Variants in STRN4 observed in about 807,000 individuals in gnomAD.
The protein encoded by STRN4 is striatin 4.
A neutral mutation model predicts 77.9 loss-of-function variants in STRN4; 27 were observed. That is an observed-to-expected ratio of 0.35 (90% CI 0.26 to 0.48). The LOEUF (loss-of-function observed/expected upper bound fraction) is 0.48. Among genes scored for constraint, STRN4 ranks in the 20% least tolerant of loss-of-function variants. The pLI is 0.99. For synonymous variants in STRN4, 466 were observed against 443.1 expected (o/e 1.05, Z -0.65); for missense variants, 798 against 1,049.7 (o/e 0.76, Z 3.31).
chr19:46,728,760 C>T lies in STRN4; in HGVS notation c.897G>A (p.Leu299=). ...CATCCTCGTCTTCCATTTCGGGCAC[C>T]AGAGCCTTGGATGGGAGCTGGCACA... The part of the protein sequence containing the change: ...KQRVKLPSKA[L]VPEMEDEDEE... The change falls in exon 7 of 18, where the codon CTG becomes CTA. Residue 299 remains leucine, a synonymous_variant. Coordinates refer to ENST00000263280, the MANE Select transcript of STRN4 (RefSeq NM_013403.3). 6.2e-7 allele frequency: 1 copy of T among 1,614,168 alleles called. No homozygotes were observed. Among genetic ancestry groups the T allele is most frequent in the Non-Finnish European group, 8.5e-7 (1 of 1,179,984 alleles).
At chr19:46,734,793 T>C (rs1245364829) in intron 4 of STRN4, among the ~76,000 whole-genome samples, 1 of 151,988 alleles carries the variant, frequency 6.6e-6, no homozygotes, top group Non-Finnish European at 1.5e-5. Context: ...GCCTCCCGAG[T>C]AGCTGGGACT....
Position 46,727,318 on chromosome 19 carries a change from T to G in STRN4, c.1248+134A>C, listed in dbSNP as rs952279387. Reference sequence around the variant, plus strand: ...GCCTTGGCGACCGCAGTCAAGTCCCTCCACTGTCTACATCTGCACCCCTCT... The same window carrying G: ...GCCTTGGCGACCGCAGTCAAGTCCCGCCACTGTCTACATCTGCACCCCTCT... On this transcript the variant is annotated intron_variant, in intron 9 of 17. Coordinates refer to ENST00000263280, the MANE Select transcript of STRN4 (RefSeq NM_013403.3). The G allele has an allele frequency of 2.2e-5, 16 of 738,890 alleles. No homozygotes were observed. The African/African-American group carries it at 2.7e-4, about 12-fold the overall frequency. The allele number at this position is 738,890 out of a possible 1,614,324, so 45.8% of individuals were successfully genotyped here. A position where few individuals can be genotyped will look rare whatever the true frequency, so the allele number is the denominator to read the frequency against.
At chr19:46,734,944 A>G (rs904061348) in intron 4 of STRN4, among the ~76,000 whole-genome samples, 4 of 152,128 alleles carry the variant, frequency 2.6e-5, no homozygotes, top group Non-Finnish European at 5.9e-5. Context: ...GATTACAGGC[A>G]TGAGCTACTG....
At chr19:46,742,728 A>C (rs1210471851) in intron 1 of STRN4, among the ~76,000 whole-genome samples, 1 of 151,882 alleles carries the variant, frequency 6.6e-6, no homozygotes. Context: ...ACGCCCGACT[A>C]ATTTCTGTAT....
chr19:46,722,771 A>C, intron 14 of STRN4, 39 bp downstream of exon 14: 2 of 1,609,722 alleles, frequency 1.2e-6, no homozygotes, highest in South Asian at 1.1e-5. Flanking sequence ...CCCAGAAGAC[A>C]CTGAGACCAA....
chr19:46,742,548 T>C (rs181950280), intron 1 of STRN4, among the ~76,000 whole-genome samples: 1 of 152,100 alleles, frequency 6.6e-6, no homozygotes, highest in Admixed American at 6.6e-5. Context: ...GGCAGAGTCA[T>C]TCACTGTTTC....
At chr19:46,746,092 T>TGAGGC in intron 1 of STRN4, 57 bp downstream of exon 1, 2 of 1,115,860 alleles carry the variant, frequency 1.8e-6, no homozygotes, top group Non-Finnish European at 2.3e-6. Flanking sequence ...CGGCAGCGGG[T>TGAGGC]GAGGCCGGGC....
At chr19:46,736,478 T>A (rs1427481834) in intron 4 of STRN4, 1 of 218,170 alleles carries the variant, frequency 4.6e-6, no homozygotes, top group African/African-American at 2.8e-5. Context: ...TAAAAAGCCA[T>A]GCTTCATAAA....
chr19:46,725,196 T>A lies in STRN4; in HGVS notation c.1472+136A>T, dbSNP rs533159300. ...GCCCCAAGAACCAGGGCTGTGTATA[T>A]CATGAAGGGGGCGGGGACTCAGAGC... On this transcript the variant is annotated intron_variant, in intron 11 of 17. Transcript: ENST00000263280. The A allele has an allele frequency of 5.0e-4, 629 of 1,269,602 alleles. 1 individual carries two copies. Among genetic ancestry groups the A allele is most frequent in the Non-Finnish European group, 6.8e-4 (609 of 897,908 alleles). The allele number at this position is 1,269,602 out of a possible 1,614,324, so 78.6% of individuals were successfully genotyped here. A position where few individuals can be genotyped will look rare whatever the true frequency, so the allele number is the denominator to read the frequency against.
intron 7 of STRN4, 78 bp from the exon 8 acceptor site, chr19:46,728,085 T>C (rs766689687): frequency 6.1e-6 from 8 of 1,305,172 alleles, no homozygotes; most frequent in Non-Finnish European, 7.5e-6. Context: ...TTCCCCACAC[T>C]GAGGGCCCCC....
rs769929531 is a variant in STRN4, at chr19:46,722,005, G to A, written c.2073C>T (p.Gly691=). ...ACTTACTTCCTGACATCAGGAATGC[G>A]CCGTTGGGGTCCACGGCTAGGCAGG... ...AVTCLAVDPN[G]AFLMSGSHDC... Residue 691 remains glycine, a synonymous_variant, in exon 16 of 18, where the codon GGC becomes GGT. Coordinates refer to ENST00000263280, the MANE Select transcript of STRN4 (RefSeq NM_013403.3). The A allele has an allele frequency of 9.3e-6, 15 of 1,613,734 alleles. No individual in the cohort carries two copies. Among genetic ancestry groups the A allele is most frequent in the Middle Eastern group, 1.6e-4 (1 of 6,062 alleles).
chr19:46,735,251 A>G (rs1258241724), intron 4 of STRN4, among the ~76,000 whole-genome samples: 2 of 152,134 alleles, frequency 1.3e-5, no homozygotes, highest in Non-Finnish European at 2.9e-5. Context: ...GGTTGCAGTG[A>G]GCCGAGATTA....
At position 46,727,914 on chromosome 19, in the gene STRN4, G is replaced by A. The variant is rs1426745572; in HGVS notation, c.1133C>T (p.Pro378Leu). 3 of 1,611,124 alleles carry A rather than the reference G, an allele frequency of 1.9e-6. No homozygotes were observed. The highest frequency in any genetic ancestry group is 2.5e-6 in the Non-Finnish European group (3 of 1,178,398). ...PKVTGPPPGT[P>L]QPRPHEDVFI... Reference sequence around the variant, plus strand: ...CTTACCTTCATGTGGCCGGGGCTGGGGTGTGCCAGGAGGCGGGCCAGTCAC... The same window carrying A: ...CTTACCTTCATGTGGCCGGGGCTGGAGTGTGCCAGGAGGCGGGCCAGTCAC... The change falls in exon 8 of 18, where the codon CCC (proline) becomes CTC (leucine). Residue 378 changes from proline to leucine, a missense_variant. This residue lies in a region of STRN4 where 511 missense variants were observed against 575.9 expected (regional missense o/e 0.89). Coordinates refer to ENST00000263280, the MANE Select transcript of STRN4 (RefSeq NM_013403.3).
rs900569670 is a variant in STRN4 at position 46,733,433 on chromosome 19, C to T, written c.540-197G>A. 28 of 597,988 alleles carry T rather than the reference C, an allele frequency of 4.7e-5. No individual in the cohort carries two copies. The African/African-American group carries it at 5.0e-4, about 11-fold the overall frequency. 37.0% of individuals were successfully genotyped at this position (597,988 alleles called of 1,614,324 possible). A position where few individuals can be genotyped will look rare whatever the true frequency, so the allele number is the denominator to read the frequency against. ...GAAGCCCTTGTACACACACACAATGCTATGTGTGAGGGTGCTCCCTGCACT... is the reference window on the plus strand; with the variant it reads ...GAAGCCCTTGTACACACACACAATGTTATGTGTGAGGGTGCTCCCTGCACT... On this transcript the variant is annotated intron_variant, in intron 4 of 17. Coordinates refer to ENST00000263280, the MANE Select transcript of STRN4 (RefSeq NM_013403.3). This position sits in a 1 kb window ranked among gnomAD's most constrained non-coding sequence, Gnocchi z 4.3.
intron 12 of STRN4, among the ~76,000 whole-genome samples, chr19:46,724,249 C>CAAAAAAAAAAAA (rs71970589): frequency 0.017 from 1,438 of 87,044 alleles, 119 homozygotes; most frequent in East Asian, 0.028. Flanking sequence ...CTCTTTGTCT[C>CAAAAAAAAAAAA]AAAAAAAAAA....
intron 16 of STRN4, chr19:46,721,148 G>C (rs534521970): frequency 2.3e-5 from 4 of 173,824 alleles, no homozygotes; most frequent in East Asian, 3.0e-4. Flanking sequence ...GAGGAATGCA[G>C]GGAGCCTTCC....
rs1308150738 is a variant in STRN4, at chr19:46,746,252, G to A, written c.179C>T (p.Pro60Leu). Residue 60 changes from proline (P) to leucine (L), a missense_variant, in exon 1 of 18, where the codon CCG becomes CTG. Physicochemically the swap from Pro to Leu is moderately conservative, Grantham distance 98 (BLOSUM62 -3). Coordinates refer to ENST00000263280, the MANE Select transcript of STRN4 (RefSeq NM_013403.3). ...GATCCCCGGCAGGCTCAGGGGCTCCGGGCCCGCCGTGGGCCCGGGGCTGCC... is the reference window on the plus strand; with the variant it reads ...GATCCCCGGCAGGCTCAGGGGCTCCAGGCCCGCCGTGGGCCCGGGGCTGCC... Reference protein sequence around the residue: ...GGGSPGPTAGPEPLSLPGILH... With the variant: ...GGGSPGPTAGLEPLSLPGILH... The A allele has an allele frequency of 4.7e-6, 7 of 1,496,096 alleles. No homozygotes were observed. The highest frequency in any genetic ancestry group is 3.5e-6 in the Non-Finnish European group (4 of 1,130,472). The allele number at this position is 1,496,096 out of a possible 1,614,324, so 92.7% of individuals were successfully genotyped here.
In STRN4 at chr19:46,738,143, C is replaced by G. The variant is rs374765347; in HGVS notation, c.460+21G>C. ...CTTCTGCGGGAGGGTGCCGACAGTG[C>G]GAGCATCAGAGGGTGGGTACCTTGT... is the stretch of plus-strand genomic sequence containing the variant. On this transcript the variant is annotated intron_variant, in intron 3 of 17. Transcript: ENST00000263280. This position sits in a 1 kb window ranked among gnomAD's most constrained non-coding sequence, Gnocchi z 4.5. The G allele has an allele frequency of 1.2e-6, 2 of 1,612,490 alleles. No individual in the cohort carries two copies. The highest frequency in any genetic ancestry group is 8.5e-7 in the Non-Finnish European group (1 of 1,178,482).
chr19:46,743,245 C>T (rs957529370), intron 1 of STRN4, among the ~76,000 whole-genome samples: 35 of 151,976 alleles, frequency 2.3e-4, no homozygotes, highest in African/African-American at 8.2e-4. Context: ...TATGTGTATA[C>T]ACACACTCAC....
Sources: allele counts gnomAD v4.1 joint callset (sites outside exome capture counted in the v4.1 genomes callset), GRCh38; gene constraint gnomAD v4.1.1; regional missense constraint gnomAD v4.1.1; non-coding constraint Gnocchi (gnomAD v3.1); transcripts MANE v1.5; gene names NCBI Gene and HGNC (gene_info 2026-07-23, HGNC 2026-07-21).